Variants in DISC1 observed in about 807,000 individuals in gnomAD.
DISC1 encodes the protein DISC1 scaffold protein, also known as disrupted in schizophrenia 1 protein.
Under a neutral mutation model 84.5 loss-of-function variants are expected in DISC1, and 57 were observed. The ratio of observed to expected loss-of-function variants is 0.67; its 90% CI spans 0.55 to 0.84. The LOEUF is 0.84. DISC1 is among the 40% of genes least tolerant of loss of function. DISC1 has a pLI of 0.00. For missense variants in DISC1, 1,000 were observed against 1,057.8 expected, an observed-to-expected ratio of 0.95 and a Z score of 0.76; for synonymous variants, 411 against 415.2, an observed-to-expected ratio of 0.99 and a Z score of 0.12.
At chr1:231,772,948 G>A (rs1341708454) in intron 6 of DISC1, among the ~76,000 whole-genome samples, 4 of 152,158 alleles carry the variant, frequency 2.6e-5, no homozygotes. Context: ...AAATGAAACG[G>A]GTCCCTTGAA....
At chr1:231,795,146 A>C in intron 6 of DISC1, 96 bp from the exon 7 acceptor site, 1 of 1,180,654 alleles carries the variant, frequency 8.5e-7, no homozygotes, top group Non-Finnish European at 1.3e-6. Flanking sequence ...CGTCCATCAG[A>C]CCAGTGGAAG....
chr1:231,724,227 G>T (rs1362382286), intron 3 of DISC1, among the ~76,000 whole-genome samples: 2 of 152,142 alleles, frequency 1.3e-5, no homozygotes, highest in Non-Finnish European at 2.9e-5. Context: ...ATGCCCAGGG[G>T]CCCTGCCTGC....
At chr1:231,972,053 T>A (rs1328849579) in intron 10 of DISC1, among the ~76,000 whole-genome samples, 3 of 152,216 alleles carry the variant, frequency 2.0e-5, no homozygotes, top group Admixed American at 6.5e-5. Flanking sequence ...ATGGAGGCGT[T>A]CCACCAGTGC....
intron 1 of DISC1, among the ~76,000 whole-genome samples, chr1:231,661,224 G>T (rs1175688514): frequency 6.6e-6 from 1 of 151,710 alleles, no homozygotes. Context: ...TGTGTCTGGG[G>T]GTTGATCTTC....
intron 4 of DISC1, among the ~76,000 whole-genome samples, chr1:231,762,562 G>C (rs531346636): frequency 6.7e-6 from 1 of 148,386 alleles, no homozygotes; most frequent in Admixed American, 6.8e-5. Context: ...TCTTGCCCAG[G>C]CTGGACTAGA....
At chr1:231,946,191 A>G (rs1185825357) in intron 9 of DISC1, among the ~76,000 whole-genome samples, 1 of 152,220 alleles carries the variant, frequency 6.6e-6, no homozygotes, top group Non-Finnish European at 1.5e-5. Context: ...TTTCTGATGA[A>G]CATAGATGTG....
intron 10 of DISC1, chr1:231,959,462 G>C: frequency 1.0e-6 from 1 of 985,552 alleles, no homozygotes; most frequent in Non-Finnish European, 1.2e-6. Context: ...ATCAGAATCT[G>C]TTCCTAATTA....
chr1:231,866,170 C>T (rs7535146), intron 9 of DISC1, among the ~76,000 whole-genome samples: 3,032 of 152,184 alleles, frequency 0.02, 97 homozygotes, highest in African/African-American at 0.069. Flanking sequence ...TCCTGCAAGT[C>T]TACCCCCTGC....
At chr1:231,788,600 C>T (rs953418729) in intron 6 of DISC1, among the ~76,000 whole-genome samples, 6 of 152,090 alleles carry the variant, frequency 3.9e-5, no homozygotes, top group Non-Finnish European at 7.4e-5. Context: ...CAATTCAACA[C>T]GTAATATAGC....
chr1:231,708,119 A>C (rs768600111), intron 3 of DISC1, among the ~76,000 whole-genome samples: 2 of 152,204 alleles, frequency 1.3e-5, no homozygotes, highest in Non-Finnish European at 2.9e-5. Context: ...TTAAGTGTCA[A>C]CTTGATTGGA....
At chr1:231,712,197 A>G (rs191741486) in intron 3 of DISC1, among the ~76,000 whole-genome samples, 133 of 152,334 alleles carry the variant, frequency 8.7e-4, no homozygotes, top group African/African-American at 3.1e-3. Context: ...CAGTCTGTCA[A>G]TACCTTGATT....
At chr1:231,998,725 A>G (rs1211799006) in intron 10 of DISC1, among the ~76,000 whole-genome samples, 1 of 152,252 alleles carries the variant, frequency 6.6e-6, no homozygotes, top group Non-Finnish European at 1.5e-5. Context: ...AAGAAGATGA[A>G]AAGTCTAGGA....
intron 5 of DISC1, among the ~76,000 whole-genome samples, 194 bp from the exon 6 acceptor site, chr1:231,770,641 C>T (rs938760282): frequency 6.6e-6 from 1 of 152,174 alleles, no homozygotes; most frequent in African/African-American, 2.4e-5. Flanking sequence ...TTTCCTTATG[C>T]CAACTCATTA....
rs1197479502 is a variant in DISC1 at position 231,910,889 on chromosome 1, T to A, written c.1982-47939T>A. On this transcript the variant is annotated intron_variant, in intron 9 of 12. Coordinates refer to ENST00000439617, the MANE Select transcript of DISC1 (RefSeq NM_018662.3). ...TTGTGTGCATATATATTTAGGATAG[T>A]TAGCTCTTCTTGTTGAATTGATCCC... Among the ~76,000 whole-genome samples, 7 of 152,352 alleles carry A rather than the reference T, an allele frequency of 4.6e-5. No homozygotes were observed. The East Asian group carries it at 1.2e-3, about 25-fold the overall frequency.
chr1:231,866,897 G>T (rs997997414), intron 9 of DISC1, among the ~76,000 whole-genome samples: 102 of 152,306 alleles, frequency 6.7e-4, no homozygotes, highest in African/African-American at 2.3e-3. Flanking sequence ...ATCCTCTGCC[G>T]CAGGAGGGTA....
intron 10 of DISC1, among the ~76,000 whole-genome samples, chr1:231,979,401 T>C (rs1171474007): frequency 6.6e-6 from 1 of 152,040 alleles, no homozygotes; most frequent in Non-Finnish European, 1.5e-5. Flanking sequence ...CTGCTGTAGA[T>C]GCTCAGAGCT....
chr1:231,966,509 G>A (rs1661138875), intron 10 of DISC1, among the ~76,000 whole-genome samples: 1 of 152,178 alleles, frequency 6.6e-6, no homozygotes, highest in African/African-American at 2.4e-5. Context: ...TCTAACCATT[G>A]TACAGGAGGA....
At chr1:231,922,706 G>C (rs369937711) in intron 9 of DISC1, among the ~76,000 whole-genome samples, 8 of 151,942 alleles carry the variant, frequency 5.3e-5, no homozygotes, top group Non-Finnish European at 1.5e-5. Context: ...GAGGGCTGGA[G>C]GGGGACACGT....
intron 9 of DISC1, among the ~76,000 whole-genome samples, chr1:231,958,576 C>T (rs1486589970): frequency 6.6e-6 from 1 of 152,224 alleles, no homozygotes; most frequent in Non-Finnish European, 1.5e-5. Flanking sequence ...TTAAAGACTA[C>T]AGCAAGGCTG....
Sources: gnomAD v4.1 joint callset for allele counts (sites outside exome capture counted in the v4.1 genomes callset) on GRCh38, gnomAD v4.1.1 for gene constraint, MANE v1.5 for transcripts, NCBI Gene and HGNC (gene_info 2026-07-23, HGNC 2026-07-21) for gene names.